Variants in ERC1 observed in about 807,000 individuals in gnomAD.
ERC1 encodes the protein RAB6 interacting protein 2.
ERC1 carries 56 observed loss-of-function variants against 132.0 expected under a neutral mutation model. The ratio of observed to expected loss-of-function variants is 0.42; its 90% CI spans 0.34 to 0.53. The LOEUF (loss-of-function observed/expected upper bound fraction) is 0.53, where lower values mean the gene tolerates loss of function less well. Among genes scored for constraint, ERC1 ranks in the 20% least tolerant of loss-of-function variants. The probability of loss-of-function intolerance (pLI) is 0.03; values close to 1 mark genes in which losing one functional copy is unlikely to be tolerated. For missense variants in ERC1, 1,202 were observed against 1,349.9 expected, an observed-to-expected ratio of 0.89 and a Z score of 1.72; for synonymous variants, 478 against 476.1, an observed-to-expected ratio of 1.00 and a Z score of -0.05.
intron 16 of ERC1, among the ~76,000 whole-genome samples, chr12:1,396,225 A>G (rs1258484182): frequency 6.6e-6 from 1 of 152,228 alleles, no homozygotes; most frequent in Non-Finnish European, 1.5e-5. Context: ...ATTGGTAACT[A>G]TATATCTATT....
At chr12:1,201,324 T>C (rs976422029) in intron 12 of ERC1, among the ~76,000 whole-genome samples, 10 of 152,202 alleles carry the variant, frequency 6.6e-5, no homozygotes, top group Admixed American at 6.5e-4. Flanking sequence ...GTGTCTTCTA[T>C]CCTTGGTGAA....
At chr12:999,140 G>A (rs946943110) in intron 1 of ERC1, among the ~76,000 whole-genome samples, 4 of 152,124 alleles carry the variant, frequency 2.6e-5, no homozygotes, top group African/African-American at 7.2e-5. Flanking sequence ...GATTATAGGC[G>A]TGAGCCACCG....
intron 2 of ERC1, among the ~76,000 whole-genome samples, chr12:1,053,348 T>A (rs1338285225): frequency 6.6e-6 from 1 of 152,232 alleles, no homozygotes; most frequent in African/African-American, 2.4e-5. Flanking sequence ...GCATTAAATA[T>A]GTGCTTCATT....
chr12:1,041,487 G>A (rs1176500010), intron 2 of ERC1, among the ~76,000 whole-genome samples: 1 of 152,134 alleles, frequency 6.6e-6, no homozygotes, highest in Non-Finnish European at 1.5e-5. Flanking sequence ...GATTACAGGC[G>A]TGAGCCACCG....
At chr12:1,139,206 T>C (rs1168703027) in intron 7 of ERC1, among the ~76,000 whole-genome samples, 1 of 152,178 alleles carries the variant, frequency 6.6e-6, no homozygotes, top group East Asian at 1.9e-4. Context: ...GGTAGTGTGA[T>C]GAAATCTTAT....
At chr12:1,484,556 G>A (rs977079273) in intron 18 of ERC1, among the ~76,000 whole-genome samples, 25 of 150,266 alleles carry the variant, frequency 1.7e-4, no homozygotes, top group African/African-American at 5.4e-4. Context: ...TTTCTTGTTC[G>A]TTTGTTTGTT....
chr12:1,288,862 G>A (rs2154339561), intron 14 of ERC1, among the ~76,000 whole-genome samples: 1 of 152,138 alleles, frequency 6.6e-6, no homozygotes, highest in South Asian at 2.1e-4. Context: ...AAATGAACAA[G>A]TTTATTTAAA....
chr12:1,215,191 C>T (rs899646658), intron 12 of ERC1, among the ~76,000 whole-genome samples: 1 of 152,186 alleles, frequency 6.6e-6, no homozygotes, highest in African/African-American at 2.4e-5. Flanking sequence ...TCAGGTATTA[C>T]TGTTATAATT....
At chr12:1,299,949 TTATC>T (rs946546837) in intron 15 of ERC1, among the ~76,000 whole-genome samples, 1 of 152,206 alleles carries the variant, frequency 6.6e-6, no homozygotes, top group African/African-American at 2.4e-5. Context: ...GAGCAGGCCT[TTATC>T]TATTAAAGAA....
At chr12:1,180,284 CGCGCACGCGTGT>C (rs1299340095) in intron 8 of ERC1, among the ~76,000 whole-genome samples, 45 of 122,362 alleles carry the variant, frequency 3.7e-4, no homozygotes, top group African/African-American at 1.8e-3. Context: ...TGTGTGTGTG[CGCGCACGCGTGT>C]GCGCGCGCGC....
chr12:1,408,227 C>G lies in ERC1; in HGVS notation c.3004C>G (p.His1002Asp). 6.2e-7 allele frequency: 1 copy of G among 1,613,710 alleles called. No homozygotes were observed. The highest frequency in any genetic ancestry group is 8.5e-7 in the Non-Finnish European group (1 of 1,179,732). Reference sequence around the variant, plus strand: ...ATCCTCCCATTCCAATCAAACAAATCACAAGCCCTCCCCAGACCAGGTAAG... The same window carrying G: ...ATCCTCCCATTCCAATCAAACAAATGACAAGCCCTCCCCAGACCAGGTAAG... ...FKSSHSNQTN[H>D]KPSPDQIIQP... Residue 1002 changes from histidine to aspartate, a missense_variant, in exon 17 of 19, where the codon CAC becomes GAC. His to Asp is a moderately conservative substitution (Grantham distance 81). Transcript: ENST00000360905.
intron 8 of ERC1, among the ~76,000 whole-genome samples, chr12:1,147,092 A>G (rs1442520401): frequency 1.3e-5 from 2 of 152,212 alleles, no homozygotes; most frequent in Non-Finnish European, 2.9e-5. Flanking sequence ...ATACGTGTGC[A>G]TGTGTCTTTA....
chr12:1,138,371 T>C (rs1159374254), intron 7 of ERC1, among the ~76,000 whole-genome samples: 1 of 142,740 alleles, frequency 7.0e-6, no homozygotes, highest in African/African-American at 2.6e-5. Flanking sequence ...TATATGTAAG[T>C]TGTATATAAT....
chr12:1,412,719 A>C (rs1425764076), intron 17 of ERC1, among the ~76,000 whole-genome samples: 1 of 152,152 alleles, frequency 6.6e-6, no homozygotes, highest in Non-Finnish European at 1.5e-5. Context: ...CAGTTCCTTT[A>C]TCCAAAAAAT....
chr12:1,448,470 T>C (rs1397201985), intron 18 of ERC1, among the ~76,000 whole-genome samples: 2 of 152,212 alleles, frequency 1.3e-5, no homozygotes, highest in African/African-American at 4.8e-5. Flanking sequence ...CAAAATGACT[T>C]GCCTATGAAA....
intron 14 of ERC1, among the ~76,000 whole-genome samples, chr12:1,274,385 A>T (rs1438461162): frequency 6.6e-6 from 1 of 152,216 alleles, no homozygotes; most frequent in Non-Finnish European, 1.5e-5. Context: ...CCATGCAAAT[A>T]AAAAAAGTAT....
At chr12:1,040,429 C>T (rs1289422882) in intron 2 of ERC1, among the ~76,000 whole-genome samples, 2 of 151,080 alleles carry the variant, frequency 1.3e-5, no homozygotes, top group African/African-American at 4.9e-5. Flanking sequence ...GCCTCAGCCT[C>T]CCGAGTAGCT....
At chr12:1,124,913 G>A (rs938631561) in intron 7 of ERC1, among the ~76,000 whole-genome samples, 1 of 151,976 alleles carries the variant, frequency 6.6e-6, no homozygotes, top group African/African-American at 2.4e-5. Context: ...TATAGAAATT[G>A]AAATGGTAAT....
chr12:1,275,412 C>G (rs2078195487), intron 14 of ERC1, among the ~76,000 whole-genome samples: 1 of 152,088 alleles, frequency 6.6e-6, no homozygotes, highest in South Asian at 2.1e-4. Context: ...CACTTGAGCC[C>G]AGGAGGCAGA....
Sources: gnomAD v4.1 joint callset for allele counts (sites outside exome capture counted in the v4.1 genomes callset) on GRCh38, gnomAD v4.1.1 for gene constraint, MANE v1.5 for transcripts, NCBI Gene and HGNC (gene_info 2026-07-23, HGNC 2026-07-21) for gene names.